RALGDS: variants seen among roughly 807,000 people sequenced by gnomAD.
The protein encoded by RALGDS is ral guanine nucleotide dissociation stimulator, also known as ral guanine nucleotide exchange factor.
A neutral mutation model predicts 99.8 loss-of-function variants in RALGDS; 44 were observed. The observed-to-expected ratio is 0.44, with a 90% CI of 0.35 to 0.57. The LOEUF is 0.57. Among genes scored for constraint, RALGDS ranks in the 20% least tolerant of loss-of-function variants. RALGDS has a pLI of 0.01. For missense variants in RALGDS, 1,022 were observed against 1,203.1 expected (o/e 0.85, Z 2.23); for synonymous variants, 529 against 505.0 (o/e 1.05, Z -0.64).
At chr9:133,146,561 C>T (rs1826005364) in intron 1 of RALGDS, among the ~76,000 whole-genome samples, 1 of 152,164 alleles carries the variant, frequency 6.6e-6, no homozygotes, top group Non-Finnish European at 1.5e-5. Flanking sequence ...CCACACTGGC[C>T]CCAGAGATCC....
upstream of RALGDS, among the ~76,000 whole-genome samples, chr9:133,133,407 C>T (rs1373683804): frequency 6.6e-6 from 1 of 152,194 alleles, no homozygotes; most frequent in African/African-American, 2.4e-5. Flanking sequence ...ACCCCTCCTC[C>T]CACCCACGTG....
At chr9:133,123,955 CACAG>C (rs1832052556), upstream of RALGDS, among the ~76,000 whole-genome samples, 1 of 88,166 alleles carries the variant, frequency 1.1e-5, no homozygotes, top group African/African-American at 3.3e-5. Flanking sequence ...GAGATGCACA[CACAG>C]AGACACACAC....
intron 16 of RALGDS, chr9:133,100,879 AC>A (rs1830724065): frequency 9.5e-7 from 1 of 1,052,662 alleles, no homozygotes; most frequent in African/African-American, 1.7e-5. Flanking sequence ...CTTAATGACA[AC>A]CATGCTAGCT....
chr9:133,146,675 G>T (rs1832628962), intron 1 of RALGDS, among the ~76,000 whole-genome samples: 1 of 152,206 alleles, frequency 6.6e-6, no homozygotes, highest in Non-Finnish European at 1.5e-5. Context: ...GTGATGTGAG[G>T]TCACTTCCAA....
rs748096652 is a variant in RALGDS at position 133,141,649 on chromosome 9, C to T, written c.18+7314G>A. On this transcript the variant is annotated intron_variant, in intron 1 of 17. Coordinates refer to the RALGDS transcript ENST00000393160. ...GGGGCCTGATGGCCGAGGTGGATGCCGACATGTGAGGAGGAAGGGCAGTGG... is the reference window on the plus strand; with the variant it reads ...GGGGCCTGATGGCCGAGGTGGATGCTGACATGTGAGGAGGAAGGGCAGTGG... 5.3e-5 allele frequency among the ~76,000 whole-genome samples: 8 copies of T among 152,306 alleles called. No individual in the cohort carries two copies. The East Asian group carries it at 5.8e-4, about 11-fold the overall frequency.
At chr9:133,111,789 G>A (rs749512035) in intron 2 of RALGDS, among the ~76,000 whole-genome samples, 1 of 152,224 alleles carries the variant, frequency 6.6e-6, no homozygotes, top group Non-Finnish European at 1.5e-5. Flanking sequence ...TTGTCCTTGG[G>A]TGAAGACAGC....
chr9:133,121,141 A>T lies in RALGDS; in HGVS notation c.14T>A (p.Met5Lys), dbSNP rs1159362869. Reference protein sequence around the residue: MVQRMWAEAAGPAGG... With the variant: MVQRKWAEAAGPAGG... ...AGCAGGCCCGGCCGCCTCGGCCCAC[A>T]TGCGCTGCACCATGGAAGGCTCGCA... is the stretch of plus-strand genomic sequence containing the variant. The change falls in exon 1 of 18, where the codon ATG (methionine) becomes AAG (lysine). Residue 5 changes from methionine to lysine, a missense_variant. Transcript: ENST00000372050. The T allele has an allele frequency of 7.0e-7, 1 of 1,429,316 alleles. No homozygotes were observed. Among genetic ancestry groups the T allele is most frequent in the Admixed American group, 2.6e-5 (1 of 38,042 alleles). 88.5% of individuals were successfully genotyped at this position (1,429,316 alleles called of 1,614,324 possible). A position where few individuals can be genotyped will look rare whatever the true frequency, so the allele number is the denominator to read the frequency against.
chr9:133,109,833 A>G (rs1831253148), intron 3 of RALGDS, 112 bp from the exon 4 acceptor site: 10 of 813,530 alleles, frequency 1.2e-5, no homozygotes, highest in Admixed American at 2.0e-5. Context: ...AATGCCTAGA[A>G]AAGGGCCAGC....
intron 1 of RALGDS, 127 bp downstream of exon 1, chr9:133,120,845 G>C: frequency 9.2e-7 from 1 of 1,082,556 alleles, no homozygotes; most frequent in South Asian, 2.1e-5. Flanking sequence ...ACCTATGGAG[G>C]AGAGAGGAGG....
At chr9:133,137,991 G>A (rs949958726) in intron 1 of RALGDS, among the ~76,000 whole-genome samples, 12 of 152,214 alleles carry the variant, frequency 7.9e-5, no homozygotes, top group African/African-American at 2.7e-4. Context: ...CAGGACAAAC[G>A]GGCCCTTGTG....
rs759332127 is a variant in RALGDS, at chr9:133,108,030, G to A, written c.1155C>T (p.Phe385=). The part of the protein sequence containing the change: ...LSEEKPHLLV[F]PPDLVAEQFT... ...ACTGCTCTGCCACCAGATCTGGAGG[G>A]AACACCAAGAGGTGAGGCTTCTCCT... The change falls in exon 6 of 18, where the codon TTC becomes TTT. Residue 385 remains phenylalanine (F), a synonymous_variant. Coordinates refer to ENST00000372050, the MANE Select transcript of RALGDS (RefSeq NM_006266.4). The A allele has an allele frequency of 2.5e-6, 4 of 1,613,494 alleles. No individual in the cohort carries two copies. The highest frequency in any genetic ancestry group is 1.6e-4 in the Middle Eastern group (1 of 6,062).
upstream of RALGDS, among the ~76,000 whole-genome samples, chr9:133,132,739 AAGCG>A (rs916883461): frequency 1.3e-5 from 2 of 152,084 alleles, no homozygotes; most frequent in Non-Finnish European, 2.9e-5. Flanking sequence ...TCCCGGGTTC[AAGCG>A]AGTCTCCTGT....
chr9:133,107,996 T>C lies in RALGDS; in HGVS notation c.1189A>G (p.Met397Val). 1 of 1,613,194 alleles carries C rather than the reference T, an allele frequency of 6.2e-7. No homozygotes were observed. Among genetic ancestry groups the C allele is most frequent in the Non-Finnish European group, 8.5e-7 (1 of 1,180,030 alleles). ...CAAGCTGAGCTGCTCACCGCATCCA[T>C]CAGTGTAAACTGCTCTGCCACCAGA... Reference protein sequence around the residue: ...PDLVAEQFTLMDAELFKKVVP... With the variant: ...PDLVAEQFTLVDAELFKKVVP... Residue 397 changes from methionine (M) to valine (V), a missense_variant, in exon 6 of 18, where the codon ATG (methionine) becomes GTG (valine). Coordinates refer to ENST00000372050, the MANE Select transcript of RALGDS (RefSeq NM_006266.4).
intron 1 of RALGDS, among the ~76,000 whole-genome samples, chr9:133,112,353 G>C (rs1020885353): frequency 6.6e-6 from 1 of 151,996 alleles, no homozygotes; most frequent in South Asian, 2.1e-4. Context: ...GGCCAGCCAC[G>C]ACCTGGGACG....
Position 133,110,448 on chromosome 9 carries a change from C to G in RALGDS, c.336G>C (p.Lys112Asn), listed in dbSNP as rs775620155. The G allele has an allele frequency of 2.5e-6, 4 of 1,613,464 alleles. No individual in the cohort carries two copies. The highest frequency in any genetic ancestry group is 1.1e-5 in the South Asian group (1 of 91,080). The change falls in exon 3 of 18, where the codon AAG becomes AAC. Residue 112 changes from lysine to asparagine, a missense_variant. Coordinates refer to ENST00000372050, the MANE Select transcript of RALGDS (RefSeq NM_006266.4). ...GCGTGCCAGCCTTCACGGTCCGCAC[C>G]TTGCAAGTCTCATAAAGGTTCAGGG... ...ESALNLYETC[K>N]VRTVKAGTLE... is the part of the protein sequence containing the mutation.
At chr9:133,106,477 T>C (rs1826791206) in intron 8 of RALGDS, among the ~76,000 whole-genome samples, 168 bp downstream of exon 8, 1 of 152,160 alleles carries the variant, frequency 6.6e-6, no homozygotes, top group Non-Finnish European at 1.5e-5. Context: ...CAACCCACCA[T>C]CTGACAGCTT....
chr9:133,122,097 C>T (rs572718469), upstream of RALGDS, among the ~76,000 whole-genome samples: 6 of 152,342 alleles, frequency 3.9e-5, no homozygotes, highest in South Asian at 2.1e-4. Flanking sequence ...CACATGGCTG[C>T]GTGGCCTGTC....
intron 2 of RALGDS, among the ~76,000 whole-genome samples, chr9:133,111,349 C>T (rs746801636): frequency 7.3e-4 from 111 of 151,690 alleles, no homozygotes; most frequent in Non-Finnish European, 1.1e-3. Context: ...GGTGTGATCT[C>T]GGCTCACTGC....
chr9:133,146,489 G>C (rs1454939628), intron 1 of RALGDS, among the ~76,000 whole-genome samples: 1 of 152,176 alleles, frequency 6.6e-6, no homozygotes, highest in African/African-American at 2.4e-5. Flanking sequence ...ACCGCGCCCA[G>C]CCTCCGTTAT....
Sources: gnomAD v4.1 joint callset for allele counts (sites outside exome capture counted in the v4.1 genomes callset) on GRCh38, gnomAD v4.1.1 for gene constraint, MANE v1.5 for transcripts, NCBI Gene and HGNC (gene_info 2026-07-23, HGNC 2026-07-21) for gene names.